HCK: variants seen among roughly 807,000 people sequenced by gnomAD.
HCK encodes tyrosine-protein kinase HCK.
In HCK, 40 loss-of-function variants were observed where a neutral mutation model predicts 70.4. That is an observed-to-expected ratio of 0.57 (90% CI 0.44 to 0.74). HCK has a LOEUF of 0.74. HCK is among the 30% of genes least tolerant of loss of function. HCK has a pLI of 0.00. For synonymous variants in HCK, 245 were observed against 263.2 expected, an observed-to-expected ratio of 0.93 and a Z score of 0.67; for missense variants, 568 against 697.2, an observed-to-expected ratio of 0.81 and a Z score of 2.09.
At chr20:32,095,960 G>A (rs1026282849) in intron 11 of HCK, among the ~76,000 whole-genome samples, 1 of 151,686 alleles carries the variant, frequency 6.6e-6, no homozygotes, top group African/African-American at 2.4e-5. Flanking sequence ...CGCCATCTCA[G>A]CTCACTGCAA....
intron 1 of HCK, among the ~76,000 whole-genome samples, chr20:32,065,837 T>A (rs1434291121): frequency 6.6e-6 from 1 of 152,112 alleles, no homozygotes; most frequent in East Asian, 1.9e-4. Context: ...GAAAGCTGGT[T>A]CTCCAAAGGA....
chr20:32,068,216 T>C (rs1393129775), intron 1 of HCK, among the ~76,000 whole-genome samples: 2 of 152,024 alleles, frequency 1.3e-5, no homozygotes. Context: ...GAGAATCACT[T>C]GAACCCTGGA....
At chr20:32,081,103 A>C (rs902927616) in intron 6 of HCK, among the ~76,000 whole-genome samples, 2 of 152,176 alleles carry the variant, frequency 1.3e-5, no homozygotes, top group Admixed American at 1.3e-4. Context: ...AAAATAAAAC[A>C]AAATACCCAT....
At chr20:32,084,853 G>A (rs997359953) in intron 8 of HCK, among the ~76,000 whole-genome samples, 1 of 152,232 alleles carries the variant, frequency 6.6e-6, no homozygotes, top group Admixed American at 6.5e-5. Context: ...GAGATAACCA[G>A]AGACCTTTTC....
At chr20:32,091,778 C>A (rs932768776) in intron 10 of HCK, among the ~76,000 whole-genome samples, 1 of 151,380 alleles carries the variant, frequency 6.6e-6, no homozygotes, top group African/African-American at 2.4e-5. Context: ...TTAAGCCCAG[C>A]CTGGGCCACA....
chr20:32,059,955 T>C (rs1347853780), intron 1 of HCK, among the ~76,000 whole-genome samples: 1 of 152,112 alleles, frequency 6.6e-6, no homozygotes, highest in Non-Finnish European at 1.5e-5. Context: ...AAAAAAAATG[T>C]AAAAGGATCA....
chr20:32,096,311 A>G (rs899350532), intron 11 of HCK, among the ~76,000 whole-genome samples: 3 of 149,992 alleles, frequency 2.0e-5, no homozygotes, highest in Admixed American at 1.3e-4. Context: ...AGCCTGGCCA[A>G]TATGGTGAAA....
intron 9 of HCK, 75 bp downstream of exon 9, chr20:32,086,882 A>G: frequency 1.4e-6 from 2 of 1,381,502 alleles, no homozygotes; most frequent in Admixed American, 2.4e-5. Flanking sequence ...TGGCTTGGAC[A>G]TGGTTCTTGC....
At chr20:32,073,571 T>C (rs1355596405) in intron 3 of HCK, 145 bp from the exon 4 acceptor site, 4 of 664,984 alleles carry the variant, frequency 6.0e-6, no homozygotes, top group Non-Finnish European at 1.1e-5. Context: ...AACTTGAGAA[T>C]CACACCCAGC....
Position 32,074,646 on chromosome 20 carries a change from G to C in HCK, c.353G>C (p.Arg118Pro). The C allele has an allele frequency of 6.2e-7, 1 of 1,613,810 alleles. No individual in the cohort carries two copies. Among genetic ancestry groups the C allele is most frequent in the Non-Finnish European group, 8.5e-7 (1 of 1,179,754 alleles). The stretch of plus-strand genomic sequence containing the variant: ...AGATCCGGGGAGTGGTGGAAGGCTC[G>C]ATCCCTGGCCACCCGGAAGGAGGGC... The change falls in exon 5 of 13, where the codon CGA (arginine) becomes CCA (proline). Residue 118 changes from arginine (R) to proline (P), a missense_variant. Arg to Pro is a moderately radical substitution (Grantham distance 103, BLOSUM62 -2). Coordinates refer to ENST00000375852, the MANE Select transcript of HCK (RefSeq NM_002110.5).
chr20:32,086,639 A>T lies in HCK; in HGVS notation c.847A>T (p.Lys283Ter). Reference sequence around the variant, plus strand: ...CTATCCCCCTCCAGCCACCTACAACAAGCACACCAAGGTGGCAGTGAAGAC... The same window carrying T: ...CTATCCCCCTCCAGCCACCTACAACTAGCACACCAAGGTGGCAGTGAAGAC... Residue 283 changes from lysine (K) to a stop codon, truncating the protein, a stop_gained, in exon 9 of 13, where the codon AAG (lysine) becomes TAG (stop). Coordinates refer to ENST00000375852, the MANE Select transcript of HCK (RefSeq NM_002110.5). LOFTEE classifies it high-confidence loss of function. 3.1e-6 allele frequency: 5 copies of T among 1,611,086 alleles called. No homozygotes were observed. Among genetic ancestry groups the T allele is most frequent in the African/African-American group, 1.3e-5 (1 of 74,890 alleles).
intron 1 of HCK, among the ~76,000 whole-genome samples, chr20:32,053,928 T>C (rs561362629): frequency 2.8e-4 from 42 of 152,146 alleles, no homozygotes; most frequent in Admixed American, 2.5e-3. Flanking sequence ...TGGGGTAGCC[T>C]ATGCCTGGCA....
chr20:32,074,644 T>A lies in HCK; in HGVS notation c.351T>A (p.Ala117=). 6.2e-7 allele frequency: 1 copy of A among 1,613,826 alleles called. No homozygotes were observed. Among genetic ancestry groups the A allele is most frequent in the Non-Finnish European group, 8.5e-7 (1 of 1,179,742 alleles). Residue 117 remains alanine (A), a synonymous_variant, in exon 5 of 13, where the codon GCT becomes GCA. Transcript: ENST00000375852. Reference sequence around the variant, plus strand: ...TCAGATCCGGGGAGTGGTGGAAGGCTCGATCCCTGGCCACCCGGAAGGAGG... The same window carrying A: ...TCAGATCCGGGGAGTGGTGGAAGGCACGATCCCTGGCCACCCGGAAGGAGG...
At chr20:32,076,790 A>T (rs1054934471) in intron 5 of HCK, among the ~76,000 whole-genome samples, 1 of 152,132 alleles carries the variant, frequency 6.6e-6, no homozygotes, top group African/African-American at 2.4e-5. Context: ...CCACTGATCT[A>T]AATACGCATA....
intron 9 of HCK, among the ~76,000 whole-genome samples, chr20:32,087,234 A>G (rs1457580583): frequency 1.7e-5 from 1 of 58,400 alleles, no homozygotes; most frequent in Non-Finnish European, 3.5e-5. Flanking sequence ...CCGCCCTGCC[A>G]CAACTCAGGA....
rs114979752 is a variant in HCK, at chr20:32,073,290, C to A, written c.184-29C>A. The A allele has an allele frequency of 3.0e-4, 482 of 1,601,482 alleles. 2 individuals are homozygous for A. In the African/African-American group the frequency reaches 5.6e-3, roughly 18 times the overall value. On this transcript the variant is annotated intron_variant, in intron 2 of 12. Coordinates refer to ENST00000375852, the MANE Select transcript of HCK (RefSeq NM_002110.5). Reference sequence around the variant, plus strand: ...CGGGTCCCCACACATTGGTCAGATTCATTCTCTTCTCTCATTTCTTCCCCA... The same window carrying A: ...CGGGTCCCCACACATTGGTCAGATTAATTCTCTTCTCTCATTTCTTCCCCA...
chr20:32,093,477 G>A (rs921878055), intron 10 of HCK, among the ~76,000 whole-genome samples: 6 of 147,536 alleles, frequency 4.1e-5, no homozygotes, highest in African/African-American at 1.5e-4. Flanking sequence ...GCTCTTCATA[G>A]TATCCTAGGG....
At chr20:32,097,303 G>A (rs1008385744) in intron 11 of HCK, among the ~76,000 whole-genome samples, 4 of 151,960 alleles carry the variant, frequency 2.6e-5, no homozygotes, top group Admixed American at 1.3e-4. Flanking sequence ...AATAGGGCCG[G>A]GCACGTTGGC....
At chr20:32,077,330 C>G (rs2045641376) in intron 5 of HCK, among the ~76,000 whole-genome samples, 1 of 152,090 alleles carries the variant, frequency 6.6e-6, no homozygotes, top group Non-Finnish European at 1.5e-5. Context: ...GTCTTCTTCC[C>G]ACCCTGTCCC....
Sources: allele counts gnomAD v4.1 joint callset (sites outside exome capture counted in the v4.1 genomes callset), GRCh38; gene constraint gnomAD v4.1.1; transcripts MANE v1.5; gene names NCBI Gene and HGNC (gene_info 2026-07-23, HGNC 2026-07-21).